Variants in UBR1 observed in about 807,000 individuals in gnomAD.
UBR1 encodes E3 ubiquitin-protein ligase UBR1.
A neutral mutation model predicts 242.1 loss-of-function variants in UBR1; 102 were observed. The observed-to-expected ratio is 0.42, with a 90% CI of 0.36 to 0.50. The LOEUF (loss-of-function observed/expected upper bound fraction) is 0.50, where lower values mean the gene tolerates loss of function less well. Ranked by LOEUF, UBR1 falls within the 20% of genes least tolerant of loss-of-function variation. The pLI is 0.01. For synonymous variants in UBR1, 675 were observed against 684.8 expected (o/e 0.99, Z 0.22); for missense variants, 1,772 against 2,101.8 (o/e 0.84, Z 3.07).
intron 33 of UBR1, among the ~76,000 whole-genome samples, chr15:42,992,897 T>C (rs1312262924): frequency 6.6e-6 from 1 of 152,208 alleles, no homozygotes; most frequent in East Asian, 1.9e-4. Flanking sequence ...AAGATTAACC[T>C]TGTACTCTTT....
At chr15:42,990,791 A>G (rs1192749183) in intron 33 of UBR1, among the ~76,000 whole-genome samples, 1 of 152,172 alleles carries the variant, frequency 6.6e-6, no homozygotes, top group East Asian at 1.9e-4. Context: ...ATAAGAGTAA[A>G]TGATCTGAAG....
intron 14 of UBR1, among the ~76,000 whole-genome samples, chr15:43,044,294 A>C (rs896664224): frequency 6.6e-6 from 1 of 152,260 alleles, no homozygotes; most frequent in Non-Finnish European, 1.5e-5. Flanking sequence ...ATTGGAGAGG[A>C]TAAAGTTAGT....
At chr15:43,068,872 C>T (rs771273769) in intron 5 of UBR1, among the ~76,000 whole-genome samples, 6 of 152,118 alleles carry the variant, frequency 3.9e-5, no homozygotes, top group African/African-American at 1.2e-4. Flanking sequence ...CCACCTGTCT[C>T]GGCCTGACTG....
intron 41 of UBR1, among the ~76,000 whole-genome samples, chr15:42,965,921 T>C (rs2032098058): frequency 6.6e-6 from 1 of 152,236 alleles, no homozygotes; most frequent in East Asian, 1.9e-4. Flanking sequence ...CTCAAGCACA[T>C]AACCTATACA....
intron 32 of UBR1, among the ~76,000 whole-genome samples, chr15:43,000,017 A>G (rs2032699373): frequency 6.6e-6 from 1 of 152,180 alleles, no homozygotes; most frequent in Non-Finnish European, 1.5e-5. Context: ...GGTTATAACC[A>G]ATTTTCTTTA....
chr15:43,028,895 C>T (rs910474612), intron 21 of UBR1, among the ~76,000 whole-genome samples: 4 of 151,956 alleles, frequency 2.6e-5, no homozygotes, highest in Non-Finnish European at 5.9e-5. Flanking sequence ...ACCAGCCTGG[C>T]CAATATGGTG....
chr15:43,070,821 T>C lies in UBR1; in HGVS notation c.633A>G (p.Lys211=). The change falls in exon 5 of 47, where the codon AAA becomes AAG. Residue 211 remains lysine (K), a synonymous_variant. Coordinates refer to ENST00000290650, the MANE Select transcript of UBR1 (RefSeq NM_174916.3). Reference sequence around the variant, plus strand: ...TTATCTGGAGTTCAGGAGGCAGTTCTTTTTCCTCTTCCCATATAGTCATTT... The same window carrying C: ...TTATCTGGAGTTCAGGAGGCAGTTCCTTTTCCTCTTCCCATATAGTCATTT... ...VVEMTIWEEE[K]ELPPELQIRE... 6.2e-7 allele frequency: 1 copy of C among 1,613,680 alleles called. No homozygotes were observed. The highest frequency in any genetic ancestry group is 8.5e-7 in the Non-Finnish European group (1 of 1,179,972).
chr15:42,945,318 A>C lies in UBR1; in HGVS notation c.*11T>G. 6.2e-7 allele frequency: 1 copy of C among 1,614,138 alleles called. No homozygotes were observed. The highest frequency in any genetic ancestry group is 8.5e-7 in the Non-Finnish European group (1 of 1,180,006). ...TCGTCATTTGTGATTGTCTTGAGGC[A>C]GAGTTGGAGCTCACAGTAACTGCCA... On this transcript the variant is annotated 3_prime_UTR_variant, in exon 47 of 47. Transcript: ENST00000290650.
At chr15:42,947,335 C>T (rs976832469) in intron 46 of UBR1, among the ~76,000 whole-genome samples, 1 of 152,112 alleles carries the variant, frequency 6.6e-6, no homozygotes, top group Non-Finnish European at 1.5e-5. Flanking sequence ...GAAACACTAC[C>T]TTCAAATTTT....
At chr15:43,019,960 T>C (rs957280552) in intron 27 of UBR1, among the ~76,000 whole-genome samples, 12 of 151,820 alleles carry the variant, frequency 7.9e-5, no homozygotes, top group Admixed American at 3.3e-4. Flanking sequence ...GGCCTCTCTC[T>C]CCCCTGCTTA....
chr15:43,064,764 T>C (rs2033732376), intron 6 of UBR1, among the ~76,000 whole-genome samples: 1 of 151,896 alleles, frequency 6.6e-6, no homozygotes, highest in Admixed American at 6.6e-5. Context: ...TTAGTAGAGA[T>C]GGGGTTTCAC....
intron 32 of UBR1, among the ~76,000 whole-genome samples, chr15:43,002,191 G>A (rs1249647479): frequency 1.1e-4 from 17 of 152,052 alleles, no homozygotes; most frequent in Admixed American, 1.1e-3. Context: ...ACAAAAACAG[G>A]CACAAATTAA....
chr15:43,070,647 A>C, intron 5 of UBR1, 148 bp downstream of exon 5: 1 of 1,244,128 alleles, frequency 8.0e-7, no homozygotes, highest in Non-Finnish European at 1.2e-6. Context: ...ATACAAACGG[A>C]CATTTTGAAA....
chr15:43,038,132 C>T (rs781585056), intron 16 of UBR1, 39 bp downstream of exon 16: 1 of 1,604,718 alleles, frequency 6.2e-7, no homozygotes, highest in Non-Finnish European at 8.5e-7. Flanking sequence ...TATTCAGAAA[C>T]AGAATATAAG....
At chr15:43,039,047 C>A (rs1465935838) in intron 15 of UBR1, among the ~76,000 whole-genome samples, 1 of 149,286 alleles carries the variant, frequency 6.7e-6, no homozygotes. Flanking sequence ...TAAAAAGGTA[C>A]TTTTTACAAA....
rs1567102916 is a variant in UBR1, at chr15:42,943,203, A to G, written c.*2126T>C. On this transcript the variant is annotated 3_prime_UTR_variant, in exon 47 of 47. Coordinates refer to ENST00000290650, the MANE Select transcript of UBR1 (RefSeq NM_174916.3). ...TATATTTTTCTTCACCATATCATTA[A>G]AATTCTCACTAGCCCCTTACCAAAC... is the stretch of plus-strand genomic sequence containing the variant. 1 of 152,642 alleles carries G rather than the reference A, an allele frequency of 6.6e-6. No homozygotes were observed. Among genetic ancestry groups the G allele is most frequent in the African/African-American group, 2.4e-5 (1 of 41,458 alleles). 9.5% of individuals were successfully genotyped at this position (152,642 alleles called of 1,614,324 possible).
At chr15:42,995,661 C>A (rs1422721168) in intron 33 of UBR1, among the ~76,000 whole-genome samples, 2 of 151,926 alleles carry the variant, frequency 1.3e-5, no homozygotes, top group African/African-American at 4.8e-5. Flanking sequence ...GAGCGAGACT[C>A]CATCTCAAAA....
chr15:43,062,855 T>C (rs1053845699), intron 6 of UBR1, among the ~76,000 whole-genome samples: 4 of 152,096 alleles, frequency 2.6e-5, no homozygotes, highest in East Asian at 3.8e-4. Context: ...CTCTTCCCCA[T>C]ACTCCCAATT....
rs770966862 is a variant in UBR1, at chr15:42,984,952, TA to T, written c.3998-11del. Reference sequence around the variant, plus strand: ...TCTCCCAATAGATTTTCTCAAAGAATAAAAAAAAATAAAAATAATAAATCCT... The same window carrying T: ...TCTCCCAATAGATTTTCTCAAAGAATAAAAAAAATAAAAATAATAAATCCT... On this transcript the variant is annotated splice_polypyrimidine_tract_variant and intron_variant, in intron 35 of 46. Transcript: ENST00000290650. 443 of 1,559,950 alleles carry T rather than the reference TA, an allele frequency of 2.8e-4. No individual in the cohort carries two copies. Among genetic ancestry groups the T allele is most frequent in the Middle Eastern group, 3.6e-4 (2 of 5,560 alleles).
Sources: allele counts gnomAD v4.1 joint callset (sites outside exome capture counted in the v4.1 genomes callset), GRCh38; gene constraint gnomAD v4.1.1; transcripts MANE v1.5; gene names NCBI Gene and HGNC (gene_info 2026-07-23, HGNC 2026-07-21).